The following DCAF4 variants were observed in gnomAD, a reference collection of about 807,000 sequenced individuals.
The protein encoded by DCAF4 is DDB1- and CUL4-associated factor 4.
DCAF4 carries 37 observed loss-of-function variants against 60.9 expected under a neutral mutation model. The ratio of observed to expected loss-of-function variants is 0.61; its 90% confidence interval spans 0.47 to 0.80. The LOEUF (loss-of-function observed/expected upper bound fraction) is 0.80. Among genes scored for constraint, DCAF4 ranks in the 30% least tolerant of loss-of-function variants. DCAF4 has a pLI of 0.00. For synonymous variants in DCAF4, 243 were observed against 254.8 expected, an observed-to-expected ratio of 0.95 and a Z score of 0.44; for missense variants, 577 against 650.0, an observed-to-expected ratio of 0.89 and a Z score of 1.22.
intron 1 of DCAF4, chr14:72,929,951 G>T: frequency 1.1e-6 from 1 of 910,500 alleles, no homozygotes; most frequent in South Asian, 1.5e-5. Flanking sequence ...CTCCATGGCG[G>T]CCGTGGCGGA....
intron 4 of DCAF4, among the ~76,000 whole-genome samples, chr14:72,941,155 G>A (rs1889994272): frequency 6.6e-6 from 1 of 150,660 alleles, no homozygotes; most frequent in Admixed American, 6.6e-5. Flanking sequence ...TTATAGAGAT[G>A]GAGTTTCACC....
chr14:72,948,353 T>C (rs1891005240), intron 8 of DCAF4, among the ~76,000 whole-genome samples: 1 of 152,216 alleles, frequency 6.6e-6, no homozygotes, highest in East Asian at 1.9e-4. Context: ...ACACCCAGCT[T>C]ACATTTCAAA....
chr14:72,959,583 G>A lies in DCAF4; in HGVS notation c.*778G>A, dbSNP rs1166283634. 9.1e-6 allele frequency: 9 copies of A among 985,362 alleles called. No homozygotes were observed. Among genetic ancestry groups the A allele is most frequent in the Middle Eastern group, 5.2e-4 (1 of 1,936 alleles). 61.0% of individuals were successfully genotyped at this position (985,362 alleles called of 1,614,324 possible). A position where few individuals can be genotyped will look rare whatever the true frequency, so the allele number is the denominator to read the frequency against. On this transcript the variant is annotated 3_prime_UTR_variant, in exon 14 of 14. Transcript: ENST00000358377. ...TTTTGTAATCTAGGAGCGACAGTTCGTGAGATGTTTATTCAGTGTTAAAGA... is the reference window on the plus strand; with the variant it reads ...TTTTGTAATCTAGGAGCGACAGTTCATGAGATGTTTATTCAGTGTTAAAGA...
chr14:72,953,979 C>T (rs543778455), intron 9 of DCAF4, among the ~76,000 whole-genome samples, 185 bp from the exon 10 acceptor site: 1 of 151,780 alleles, frequency 6.6e-6, no homozygotes, highest in East Asian at 1.9e-4. Context: ...GATGCATTTT[C>T]GGAATAACCA....
chr14:72,943,156 C>T, intron 6 of DCAF4, 60 bp downstream of exon 6: 2 of 1,489,416 alleles, frequency 1.3e-6, no homozygotes, highest in Non-Finnish European at 1.9e-6. Context: ...CACTTTGTGG[C>T]TTAGCGTTGC....
intron 6 of DCAF4, among the ~76,000 whole-genome samples, chr14:72,944,920 C>T (rs1038697892): frequency 6.6e-6 from 1 of 151,684 alleles, no homozygotes; most frequent in African/African-American, 2.4e-5. Flanking sequence ...GAAACCACAT[C>T]TCTACTAAAA....
In DCAF4 at chr14:72,936,225, C is replaced by A. The variant is rs12892806; in HGVS notation, c.-8-1746C>A. 3.3e-5 allele frequency among the ~76,000 whole-genome samples: 5 copies of A among 152,140 alleles called. No homozygotes were observed. In the South Asian group the frequency reaches 1.0e-3, roughly 32 times the overall value. On this transcript the variant is annotated intron_variant, in intron 1 of 13. Transcript: ENST00000358377. The stretch of plus-strand genomic sequence containing the variant: ...TAAGATAACTGATCCATAGGGAAAC[C>A]CACACATGGTGTTCAGGAGCCATTG...
intron 1 of DCAF4, chr14:72,929,889 GC>G: frequency 6.8e-7 from 1 of 1,476,112 alleles, no homozygotes. Flanking sequence ...TCACCTTGTG[GC>G]CCTTGTTGAG....
At chr14:72,950,336 A>T (rs1490956386) in intron 8 of DCAF4, among the ~76,000 whole-genome samples, 3 of 152,090 alleles carry the variant, frequency 2.0e-5, no homozygotes, top group Non-Finnish European at 4.4e-5. Flanking sequence ...GTGATAGGAG[A>T]AGGCCAGGAT....
chr14:72,929,853 G>A (rs1410670737), intron 1 of DCAF4: 3 of 1,475,134 alleles, frequency 2.0e-6, no homozygotes, highest in African/African-American at 1.4e-5. Context: ...GGCGGCGGCT[G>A]TGCCTGGGCT....
At chr14:72,935,456 C>T (rs1323153123) in intron 1 of DCAF4, among the ~76,000 whole-genome samples, 8 of 152,184 alleles carry the variant, frequency 5.3e-5, no homozygotes, top group Admixed American at 1.3e-4. Flanking sequence ...GGTTTCACCA[C>T]GTTGGCCAGG....
At chr14:72,946,070 G>A in intron 7 of DCAF4, 43 bp downstream of exon 7, 1 of 1,606,074 alleles carries the variant, frequency 6.2e-7, no homozygotes, top group Non-Finnish European at 8.5e-7. Context: ...ACTTGACCCT[G>A]GGGGTAGTTG....
At chr14:72,958,535 G>T in intron 13 of DCAF4, 77 bp from the exon 14 acceptor site, 3 of 1,543,940 alleles carry the variant, frequency 1.9e-6, no homozygotes, top group Non-Finnish European at 1.8e-6. Flanking sequence ...GGAATCTTGG[G>T]AAGCCATGTC....
At chr14:72,944,985 A>G (rs1368230278) in intron 6 of DCAF4, among the ~76,000 whole-genome samples, 2 of 152,184 alleles carry the variant, frequency 1.3e-5, no homozygotes, top group Admixed American at 1.3e-4. Flanking sequence ...GCTACTCAGG[A>G]GGCTGAGGTG....
chr14:72,928,509 T>TA (rs749102464), intron 1 of DCAF4, among the ~76,000 whole-genome samples: 4 of 151,632 alleles, frequency 2.6e-5, no homozygotes, highest in Admixed American at 2.0e-4. Flanking sequence ...TACAGACTCT[T>TA]ACAAAATTCC....
chr14:72,960,422 T>C (rs903606891), downstream of DCAF4, among the ~76,000 whole-genome samples: 2 of 152,178 alleles, frequency 1.3e-5, no homozygotes, highest in African/African-American at 4.8e-5. Flanking sequence ...AGTGCTGGGA[T>C]TATAGGCCTG....
chr14:72,942,785 C>T, intron 5 of DCAF4: 3 of 560,096 alleles, frequency 5.4e-6, no homozygotes, highest in South Asian at 4.1e-5. Flanking sequence ...GGGCCACCCA[C>T]TTCTTCATTT....
At chr14:72,933,506 C>T (rs1888848929) in intron 1 of DCAF4, among the ~76,000 whole-genome samples, 1 of 151,686 alleles carries the variant, frequency 6.6e-6, no homozygotes, top group Non-Finnish European at 1.5e-5. Context: ...TTGCAGTGAG[C>T]CGAGATTGTG....
In DCAF4 at chr14:72,938,025, G is replaced by C; in HGVS notation, c.47G>C (p.Ser16Thr). The change falls in exon 2 of 14, where the codon AGC (serine) becomes ACC (threonine). Residue 16 changes from serine to threonine, a missense_variant. Ser to Thr is a moderately conservative substitution (Grantham distance 58). Coordinates refer to ENST00000358377, the MANE Select transcript of DCAF4 (RefSeq NM_015604.4). ...AGTAGAAGACGACATGGGAGAAGAA[G>C]CCACCAGCAGAACCCTTGGTTCAGA... The part of the protein sequence containing the change: ...WQSRRRHGRR[S>T]HQQNPWFRLR... The C allele has an allele frequency of 6.2e-7, 1 of 1,611,346 alleles. No individual in the cohort carries two copies. Among genetic ancestry groups the C allele is most frequent in the Non-Finnish European group, 8.5e-7 (1 of 1,179,246 alleles).
Sources: gnomAD v4.1 joint callset for allele counts (sites outside exome capture counted in the v4.1 genomes callset) on GRCh38, gnomAD v4.1.1 for gene constraint, MANE v1.5 for transcripts, NCBI Gene and HGNC (gene_info 2026-07-23, HGNC 2026-07-21) for gene names.